UTP15: variants seen among roughly 807,000 people sequenced by gnomAD.
UTP15 encodes U3 small nucleolar RNA-associated protein 15 homolog.
A neutral mutation model predicts 59.1 loss-of-function variants in UTP15; 5 were observed. That is an observed-to-expected ratio of 0.08 (90% confidence interval 0.04 to 0.18). The LOEUF is 0.18. Among genes scored for constraint, UTP15 ranks in the 10% least tolerant of loss-of-function variants. The probability of loss-of-function intolerance (pLI) is 1.00; values close to 1 mark genes in which losing one functional copy is unlikely to be tolerated. For synonymous variants in UTP15, 211 were observed against 212.2 expected, an observed-to-expected ratio of 0.99 and a Z score of 0.05; for missense variants, 494 against 616.7, an observed-to-expected ratio of 0.80 and a Z score of 2.11.
At chr5:73,579,206 A>G (rs1425445853) in intron 11 of UTP15, 56 bp downstream of exon 11, 4 of 1,608,122 alleles carry the variant, frequency 2.5e-6, no homozygotes, top group Non-Finnish European at 3.4e-6. Flanking sequence ...CTTTATCACC[A>G]AATAAAAGAC....
intron 12 of UTP15, 49 bp from the exon 13 acceptor site, chr5:73,579,828 T>C: frequency 7.5e-7 from 1 of 1,329,456 alleles, no homozygotes. Flanking sequence ...TTTCACTTAA[T>C]GTATGGAAAG....
chr5:73,574,600 G>A (rs1748034460), intron 7 of UTP15, among the ~76,000 whole-genome samples: 3 of 151,370 alleles, frequency 2.0e-5, no homozygotes, highest in East Asian at 1.9e-4. Context: ...CGATCCCCTC[G>A]CCTCAGCTTC....
chr5:73,578,514 G>T lies in UTP15; in HGVS notation c.1045-237G>T, dbSNP rs1748167048. On this transcript the variant is annotated intron_variant, in intron 9 of 12. Transcript: ENST00000296792. Reference sequence around the variant, plus strand: ...TAGAATTAAGGCAATGGTGCATGTTGTAAGTTAAAATTATAAGAGAGTAAG... The same window carrying T: ...TAGAATTAAGGCAATGGTGCATGTTTTAAGTTAAAATTATAAGAGAGTAAG... 3 of 440,620 alleles carry T rather than the reference G, an allele frequency of 6.8e-6. No individual in the cohort carries two copies. In the South Asian group the frequency reaches 9.5e-5, roughly 14 times the overall value. The allele number at this position is 440,620 out of a possible 1,614,324, so 27.3% of individuals were successfully genotyped here. A position where few individuals can be genotyped will look rare whatever the true frequency, so the allele number is the denominator to read the frequency against.
intron 7 of UTP15, among the ~76,000 whole-genome samples, chr5:73,575,265 T>C (rs1748056656): frequency 1.3e-5 from 2 of 152,246 alleles, no homozygotes; most frequent in African/African-American, 2.4e-5. Context: ...GGGACTTGAT[T>C]CTTAGGTATG....
At chr5:73,569,216 T>C (rs1454612815) in intron 4 of UTP15, among the ~76,000 whole-genome samples, 1 of 152,190 alleles carries the variant, frequency 6.6e-6, no homozygotes, top group East Asian at 1.9e-4. Flanking sequence ...TTTGCTTCCA[T>C]ATTCAGCAGC....
Position 73,579,059 on chromosome 5 carries a change from A to C in UTP15, c.1189A>C (p.Ile397Leu), listed in dbSNP as rs1748216635. 1 of 1,614,008 alleles carries C rather than the reference A, an allele frequency of 6.2e-7. No homozygotes were observed. Reference protein sequence around the residue: ...IKTPEITVSIIKELNRRGVLA... With the variant: ...IKTPEITVSILKELNRRGVLA... ...GACACCCGAGATTACGGTGTCCATC[A>C]TAAAGGAGTTAAATCGAAGAGGAGT... The change falls in exon 11 of 13, where the codon ATA becomes CTA. Residue 397 changes from isoleucine to leucine, a missense_variant. By Grantham distance (5) the Ile-to-Leu change is conservative (BLOSUM62 2). Coordinates refer to ENST00000296792, the MANE Select transcript of UTP15 (RefSeq NM_032175.4).
chr5:73,570,249 A>G (rs1300897167), intron 5 of UTP15, among the ~76,000 whole-genome samples: 1 of 152,232 alleles, frequency 6.6e-6, no homozygotes. Flanking sequence ...ACTGTAATGT[A>G]TAGTACCCTG....
chr5:73,580,313 A>T lies in UTP15; in HGVS notation c.*219A>T, dbSNP rs1748261850. The T allele has an allele frequency of 7.1e-6, 3 of 423,458 alleles. No homozygotes were observed. The highest frequency in any genetic ancestry group is 1.3e-5 in the Non-Finnish European group (3 of 235,226). 26.2% of individuals were successfully genotyped at this position (423,458 alleles called of 1,614,324 possible). A position where few individuals can be genotyped will look rare whatever the true frequency, so the allele number is the denominator to read the frequency against. On this transcript the variant is annotated 3_prime_UTR_variant, in exon 13 of 13. Transcript: ENST00000296792. ...GAATTATAGCATCTTCACCTAGAAG[A>T]TCTCAATTGTCTTAGTCACAGAGTA...
chr5:73,582,443 G>C lies in UTP15; in HGVS notation c.*2349G>C, dbSNP rs1252006989. On this transcript the variant is annotated 3_prime_UTR_variant, in exon 13 of 13. Coordinates refer to ENST00000296792, the MANE Select transcript of UTP15 (RefSeq NM_032175.4). ...TCTGTTGTCCAGGCTGGAGTGTAGT[G>C]GTGTGATCATAGCTCACTGCAGCTT... 1 of 152,212 alleles carries C rather than the reference G, an allele frequency of 6.6e-6. No homozygotes were observed. The allele number at this position is 152,212 out of a possible 1,614,324, so 9.4% of individuals were successfully genotyped here.
intron 4 of UTP15, among the ~76,000 whole-genome samples, chr5:73,569,013 T>A (rs922124645): frequency 1.3e-5 from 2 of 152,198 alleles, no homozygotes; most frequent in Admixed American, 1.3e-4. Context: ...TTCTTGAATT[T>A]ATAGTGTTTT....
chr5:73,576,631 C>T (rs983818276), intron 7 of UTP15, among the ~76,000 whole-genome samples: 10 of 152,044 alleles, frequency 6.6e-5, no homozygotes, highest in African/African-American at 2.2e-4. Flanking sequence ...TGTGCCACCA[C>T]GCCCAGCTAT....
chr5:73,567,340 G>A lies in UTP15; in HGVS notation c.-5G>A. On this transcript the variant is annotated 5_prime_UTR_variant, in exon 2 of 13. Transcript: ENST00000296792. ...TCTTGGACAATAGTGCAATTATATG[G>A]AATTATGGCTGGTTATAAGCCTGTA... 1 of 1,588,654 alleles carries A rather than the reference G, an allele frequency of 6.3e-7. No homozygotes were observed. The highest frequency in any genetic ancestry group is 8.6e-7 in the Non-Finnish European group (1 of 1,167,636).
At chr5:73,576,904 A>G in intron 7 of UTP15, 48 bp from the exon 8 acceptor site, 3 of 1,330,426 alleles carry the variant, frequency 2.3e-6, no homozygotes, top group South Asian at 1.3e-5. Context: ...TTTGCATTTT[A>G]TACTCGTTTT....
At chr5:73,574,320 T>TA (rs879464953) in intron 7 of UTP15, among the ~76,000 whole-genome samples, 67 of 144,012 alleles carry the variant, frequency 4.7e-4, no homozygotes, top group South Asian at 8.7e-4. Context: ...ACCCTGTCTC[T>TA]AAAAAAAAAA....
intron 11 of UTP15, 25 bp downstream of exon 11, chr5:73,579,175 T>G: frequency 6.2e-7 from 1 of 1,612,438 alleles, no homozygotes; most frequent in Non-Finnish European, 8.5e-7. Flanking sequence ...TGTGAAACAC[T>G]TACATTTTGC....
chr5:73,579,331 C>G lies in UTP15; in HGVS notation c.1295C>G (p.Pro432Arg). ...TTACTTTGTAGGAATCTTTCTCAGC[C>G]AAGATTTGCCCCTGTTTTAATCAAT... is the stretch of plus-strand genomic sequence containing the variant. The part of the protein sequence containing the change: ...LNFLIRNLSQ[P>R]RFAPVLINAA... Residue 432 changes from proline (P) to arginine (R), a missense_variant, in exon 12 of 13, where the codon CCA becomes CGA. Coordinates refer to ENST00000296792, the MANE Select transcript of UTP15 (RefSeq NM_032175.4). 1 of 1,609,074 alleles carries G rather than the reference C, an allele frequency of 6.2e-7. No homozygotes were observed. The highest frequency in any genetic ancestry group is 8.5e-7 in the Non-Finnish European group (1 of 1,178,290).
At chr5:73,578,452 T>C (rs1032117001) in intron 9 of UTP15, 1 of 330,560 alleles carries the variant, frequency 3.0e-6, no homozygotes, top group Admixed American at 4.5e-5. Context: ...CCACACTGCC[T>C]GCCACATAAA....
chr5:73,570,046 G>A (rs767900165), intron 5 of UTP15, among the ~76,000 whole-genome samples: 20 of 151,942 alleles, frequency 1.3e-4, no homozygotes, highest in Non-Finnish European at 2.8e-4. Context: ...TGCCCAGGCT[G>A]GTCTCGAACT....
chr5:73,578,955 C>T (rs1748211626), intron 10 of UTP15, 62 bp from the exon 11 acceptor site: 1 of 1,584,204 alleles, frequency 6.3e-7, no homozygotes, highest in Admixed American at 1.7e-5. Context: ...TAATTTAGTG[C>T]AAGACAGTGA....
Sources: allele counts gnomAD v4.1 joint callset (sites outside exome capture counted in the v4.1 genomes callset), GRCh38; gene constraint gnomAD v4.1.1; transcripts MANE v1.5; gene names NCBI Gene and HGNC (gene_info 2026-07-23, HGNC 2026-07-21).